Variants in ADCY10 observed in about 807,000 individuals in gnomAD.
ADCY10 encodes adenylate cyclase 10.
ADCY10 carries 156 observed loss-of-function variants against 183.3 expected under a neutral mutation model. That is an observed-to-expected ratio of 0.85 (90% CI 0.75 to 0.97). The LOEUF (loss-of-function observed/expected upper bound fraction) is 0.97. ADCY10 is among the 50% of genes least tolerant of loss of function. The pLI, the probability that ADCY10 is intolerant of heterozygous loss-of-function variation, is 0.00. For missense variants in ADCY10, 1,745 were observed against 1,934.3 expected (o/e 0.90, Z 1.84); for synonymous variants, 645 against 670.0 (o/e 0.96, Z 0.58).
At chr1:167,900,086 C>T (rs1293960745) in intron 5 of ADCY10, among the ~76,000 whole-genome samples, 1 of 152,194 alleles carries the variant, frequency 6.6e-6, no homozygotes, top group African/African-American at 2.4e-5. Flanking sequence ...CACATCCCAT[C>T]CCAACAACCA....
At chr1:167,863,617 C>CGA (rs1309310712) in intron 14 of ADCY10, among the ~76,000 whole-genome samples, 1 of 152,098 alleles carries the variant, frequency 6.6e-6, no homozygotes, top group Non-Finnish European at 1.5e-5. Flanking sequence ...AACAGATGGT[C>CGA]GAGGCAGCTC....
intron 9 of ADCY10, among the ~76,000 whole-genome samples, chr1:167,881,322 T>G (rs953332048): frequency 1.3e-5 from 2 of 152,202 alleles, no homozygotes; most frequent in Non-Finnish European, 2.9e-5. Context: ...AAAAGGGCAT[T>G]GTGAATAAAG....
At chr1:167,846,404 T>C (rs1665032139) in intron 19 of ADCY10, 141 bp from the exon 20 acceptor site, 2 of 1,058,666 alleles carry the variant, frequency 1.9e-6, no homozygotes, top group East Asian at 2.5e-5. Flanking sequence ...TCAAAAGAAG[T>C]ATTTGTTTAG....
chr1:167,904,833 A>G lies in ADCY10; in HGVS notation c.148+160T>C, dbSNP rs146185970. The G allele has an allele frequency of 5.0e-4, 458 of 907,128 alleles. 2 individuals are homozygous for G. In the African/African-American group the frequency reaches 5.9e-3, roughly 12 times the overall value. The allele number at this position is 907,128 out of a possible 1,614,324, so 56.2% of individuals were successfully genotyped here. ...GAGGATGAGAGAGAGCCAGGGCCAC[A>G]AGCTATTTCCTCCCTCTTGTGTTCT... is the stretch of plus-strand genomic sequence containing the variant. On this transcript the variant is annotated intron_variant, in intron 2 of 32. Transcript: ENST00000367851.
chr1:167,820,658 G>C (rs1228050264), intron 30 of ADCY10: 1 of 155,624 alleles, frequency 6.4e-6, no homozygotes, highest in African/African-American at 2.4e-5. Flanking sequence ...GGGATTTCTT[G>C]CCAGGTGCAG....
intron 15 of ADCY10, among the ~76,000 whole-genome samples, chr1:167,860,600 T>A (rs1666218511): frequency 1.3e-5 from 2 of 152,160 alleles, no homozygotes; most frequent in Non-Finnish European, 2.9e-5. Flanking sequence ...TGACTTTGTG[T>A]CCCAGAGTAG....
At position 167,809,856 on chromosome 1, in the gene ADCY10, A is replaced by G; in HGVS notation, c.4672-17T>C. On this transcript the variant is annotated splice_polypyrimidine_tract_variant and intron_variant, in intron 32 of 32. Transcript: ENST00000367851. ...CCATGATTCCTGAGAGGAAAGAAAC[A>G]GAACAAAGAAATCATTAGTGCTTCT... is the stretch of plus-strand genomic sequence containing the variant. The G allele has an allele frequency of 6.2e-7, 1 of 1,613,468 alleles. No homozygotes were observed. The highest frequency in any genetic ancestry group is 1.1e-5 in the South Asian group (1 of 91,060).
chr1:167,868,826 G>A (rs1666882626), intron 14 of ADCY10, among the ~76,000 whole-genome samples: 1 of 152,172 alleles, frequency 6.6e-6, no homozygotes, highest in Admixed American at 6.5e-5. Context: ...GATGGCTCAT[G>A]GGTATACCAG....
Position 167,836,444 on chromosome 1 carries a change from G to T in ADCY10, c.3174C>A (p.Cys1058Ter), listed in dbSNP as rs1240832328. Residue 1058 changes from cysteine (C) to a stop codon, truncating the protein, a stop_gained, in exon 23 of 33, where the codon TGC becomes TGA. Coordinates refer to ENST00000367851, the MANE Select transcript of ADCY10 (RefSeq NM_018417.6). LOFTEE classifies it high-confidence loss of function. The part of the protein sequence containing the change: ...SDEDIIPLES[C>*]QCEEILEIVI... ...CAATCTCTAGGATTTCTTCACACTG[G>T]CAAGATTCCAGAGGGATAATGTCTT... The T allele has an allele frequency of 1.9e-6, 3 of 1,613,898 alleles. No individual in the cohort carries two copies. The highest frequency in any genetic ancestry group is 1.7e-6 in the Non-Finnish European group (2 of 1,179,916).
chr1:167,874,367 A>G (rs1278019332), intron 13 of ADCY10, among the ~76,000 whole-genome samples: 2 of 152,132 alleles, frequency 1.3e-5, no homozygotes, highest in Non-Finnish European at 2.9e-5. Context: ...CAAATGGCCA[A>G]TAAACTTATG....
chr1:167,880,755 G>T (rs1667819287), intron 9 of ADCY10, 146 bp from the exon 10 acceptor site: 1 of 710,174 alleles, frequency 1.4e-6, no homozygotes, highest in Non-Finnish European at 2.6e-6. Context: ...TTTATTTTTA[G>T]TACACTTCAA....
At chr1:167,880,287 G>C in intron 10 of ADCY10, 96 bp from the exon 11 acceptor site, 1 of 1,193,534 alleles carries the variant, frequency 8.4e-7, no homozygotes. Flanking sequence ...GGTTGGGAAA[G>C]GGTGGGAAAG....
chr1:167,817,986 T>C, intron 31 of ADCY10, 86 bp downstream of exon 31: 1 of 1,322,680 alleles, frequency 7.6e-7, no homozygotes, highest in Non-Finnish European at 1.1e-6. Context: ...ATATGAATTC[T>C]ATAATGAGAA....
chr1:167,833,405 C>T (rs1001147475), intron 24 of ADCY10, among the ~76,000 whole-genome samples: 1 of 152,110 alleles, frequency 6.6e-6, no homozygotes, highest in Non-Finnish European at 1.5e-5. Context: ...ACAATGTTTA[C>T]CCATTCAGGT....
At chr1:167,911,125 C>CA (rs531612299) in intron 1 of ADCY10, among the ~76,000 whole-genome samples, 84 of 152,206 alleles carry the variant, frequency 5.5e-4, no homozygotes, top group Non-Finnish European at 9.9e-4. Flanking sequence ...CACCGAAGGA[C>CA]AAATATAAAC....
intron 8 of ADCY10, among the ~76,000 whole-genome samples, chr1:167,887,956 G>GTA (rs930203551): frequency 6.6e-6 from 1 of 152,046 alleles, no homozygotes; most frequent in Non-Finnish European, 1.5e-5. Context: ...CTTGATTTTT[G>GTA]TATATAGCAA....
intron 8 of ADCY10, among the ~76,000 whole-genome samples, 151 bp downstream of exon 8, chr1:167,893,695 CAAAAAAA>C (rs748872658): frequency 1.6e-4 from 11 of 70,190 alleles, no homozygotes; most frequent in African/African-American, 5.5e-4. Context: ...GACTCTGTCT[CAAAAAAA>C]AAAAAAAAAA....
chr1:167,848,541 G>A (rs1665231396), intron 18 of ADCY10, 52 bp from the exon 19 acceptor site: 1 of 1,608,114 alleles, frequency 6.2e-7, no homozygotes, highest in South Asian at 1.1e-5. Context: ...TGTCTTATAA[G>A]GTCTGATTTT....
At chr1:167,836,216 G>A in intron 23 of ADCY10, 93 bp downstream of exon 23, 2 of 815,616 alleles carry the variant, frequency 2.5e-6, no homozygotes, top group South Asian at 2.9e-5. Flanking sequence ...TATACAACGT[G>A]AAGTAATCAG....
Sources: allele counts gnomAD v4.1 joint callset (sites outside exome capture counted in the v4.1 genomes callset), GRCh38; gene constraint gnomAD v4.1.1; transcripts MANE v1.5; gene names NCBI Gene and HGNC (gene_info 2026-07-23, HGNC 2026-07-21).